The following OR10H1 variants were observed in gnomAD, a reference collection of about 807,000 sequenced individuals.
OR10H1 encodes olfactory receptor family 10 subfamily H member 1, also known as olfactory receptor 10H1.
Under a neutral mutation model 13.1 loss-of-function variants are expected in OR10H1, and 12 were observed. The ratio of observed to expected loss-of-function variants is 0.92; its 90% CI spans 0.59 to 1.48. The LOEUF is 1.48. Among genes scored for constraint, OR10H1 ranks in the 40% most tolerant of loss-of-function variants. The pLI, the probability that OR10H1 is intolerant of heterozygous loss-of-function variation, is 0.00. For missense variants in OR10H1, 363 were observed against 413.1 expected (o/e 0.88, Z 1.05); for synonymous variants, 168 against 175.6 (o/e 0.96, Z 0.34).
intron 1 of OR10H1, among the ~76,000 whole-genome samples, chr19:15,814,537 G>GAGAGAGAGA (rs2088956261): frequency 6.9e-6 from 1 of 145,506 alleles, no homozygotes; most frequent in Admixed American, 6.9e-5. Flanking sequence ...GAGAGAGACA[G>GAGAGAGAGA]GGTATCCCTC....
rs375583661 is a variant in OR10H1 at position 15,807,199 on chromosome 19, G to C, written c.839C>G (p.Thr280Arg). The change falls in exon 4 of 4, where the codon ACG becomes AGG. Residue 280 changes from threonine to arginine, a missense_variant. Coordinates refer to ENST00000641419, the MANE Select transcript of OR10H1 (RefSeq NM_013940.4). Reference sequence around the variant, plus strand: ...GGGGCTGAGGAAGGGTGTGAGGACCGTGTAGGTGATGCCCATCAAGGTGTC... The same window carrying C: ...GGGGCTGAGGAAGGGTGTGAGGACCCTGTAGGTGATGCCCATCAAGGTGTC... ...EGDTLMGITY[T>R]VLTPFLSPII... The C allele has an allele frequency of 2.2e-4, 356 of 1,614,026 alleles. No homozygotes were observed. Among genetic ancestry groups the C allele is most frequent in the Non-Finnish European group, 2.9e-4 (348 of 1,180,044 alleles).
rs10648172 is a variant in OR10H1, at chr19:15,815,340, CAAAAA to C, written c.-778+210_-778+214del. 3.7e-3 allele frequency among the ~76,000 whole-genome samples: 426 copies of C among 115,794 alleles called. 3 individuals are homozygous for C. Among genetic ancestry groups the C allele is most frequent in the Non-Finnish European group, 5.7e-3 (324 of 56,982 alleles). The allele number at this position is 115,794 out of a possible 152,430, so 76.0% of individuals were successfully genotyped here. A position where few individuals can be genotyped will look rare whatever the true frequency, so the allele number is the denominator to read the frequency against. The stretch of plus-strand genomic sequence containing the variant: ...TGGGCTACAGAGCGAGATTCCGTCT[CAAAAA>C]AAAAAAAAAAAAAATAGAAGAAGGT... On this transcript the variant is annotated intron_variant, in intron 1 of 3. Coordinates refer to ENST00000641419, the MANE Select transcript of OR10H1 (RefSeq NM_013940.4).
In OR10H1 at chr19:15,807,139, A is replaced by C. The variant is rs764130944; in HGVS notation, c.899T>G (p.Val300Gly). Residue 300 changes from valine to glycine, a missense_variant, in exon 4 of 4, where the codon GTC becomes GGC. Around this residue, in one of 3 missense-constraint regions of OR10H1, gnomAD observed 42 missense variants for 30.3 expected, o/e 1.39. Transcript: ENST00000641419. ...IFSLRNKELK[V>G]AMKKTFFSKL... ...ACTGAAGAAGGTCTTCTTCATGGCG[A>C]CCTTCAGCTCCTTGTTCCTGAGGCT... 1.2e-5 allele frequency: 20 copies of C among 1,613,984 alleles called. No homozygotes were observed. The South Asian group carries it at 2.2e-4, about 18-fold the overall frequency.
rs1469907725 is a variant in OR10H1, at chr19:15,805,838, C to G, written c.*1243G>C. On this transcript the variant is annotated 3_prime_UTR_variant, in exon 4 of 4. Transcript: ENST00000641419. ...CCATGAGCCGTGTCAACTTCTAACA[C>G]AGCATTCGGTATCTCACAGTGTGAC... is the stretch of plus-strand genomic sequence containing the variant. 1 of 132,894 alleles carries G rather than the reference C, an allele frequency of 7.5e-6. No homozygotes were observed. Among genetic ancestry groups the G allele is most frequent in the East Asian group, 1.9e-4 (1 of 5,164 alleles). 8.2% of individuals were successfully genotyped at this position (132,894 alleles called of 1,614,324 possible).
intron 3 of OR10H1, among the ~76,000 whole-genome samples, 182 bp downstream of exon 3, chr19:15,808,543 C>G (rs1450203065): frequency 6.6e-6 from 1 of 152,126 alleles, no homozygotes; most frequent in Non-Finnish European, 1.5e-5. Flanking sequence ...CAGAGCTAGA[C>G]TCTATCTCTT....
rs554644777 is a variant in OR10H1, at chr19:15,809,187, G to A, written c.-128-346C>T. Among the ~76,000 whole-genome samples, 122 of 152,294 alleles carry A rather than the reference G, an allele frequency of 8.0e-4. 2 individuals are homozygous for A. Among genetic ancestry groups the A allele is most frequent in the African/African-American group, 2.7e-3 (113 of 41,560 alleles). ...CTATGTTCTGAGGCAATGAAATGTA[G>A]CCATCAGACAGAAAGAAGGGCGTGG... On this transcript the variant is annotated intron_variant, in intron 2 of 3. Coordinates refer to ENST00000641419, the MANE Select transcript of OR10H1 (RefSeq NM_013940.4).
intron 1 of OR10H1, among the ~76,000 whole-genome samples, chr19:15,813,719 G>GGTGGGGAGAGAGAA (rs1001863758): frequency 6.7e-6 from 1 of 149,754 alleles, no homozygotes; most frequent in Non-Finnish European, 1.5e-5. Flanking sequence ...CACAGAGAGA[G>GGTGGGGAGAGAGAA]GTGGGGAGAG....
In OR10H1 at chr19:15,806,020, G is replaced by A. The variant is rs1417347270; in HGVS notation, c.*1061C>T. The A allele has an allele frequency of 6.6e-6, 1 of 152,034 alleles. No individual in the cohort carries two copies. Among genetic ancestry groups the A allele is most frequent in the Non-Finnish European group, 1.5e-5 (1 of 68,022 alleles). 9.4% of individuals were successfully genotyped at this position (152,034 alleles called of 1,614,324 possible). ...AGATCTGTGCAATGCTGAAATTTAG[G>A]GTACTTTTCTCTCCTCTGCTATAAT... On this transcript the variant is annotated 3_prime_UTR_variant, in exon 4 of 4. Coordinates refer to ENST00000641419, the MANE Select transcript of OR10H1 (RefSeq NM_013940.4).
chr19:15,813,789 G>C (rs2088948452), intron 1 of OR10H1, among the ~76,000 whole-genome samples: 1 of 149,300 alleles, frequency 6.7e-6, no homozygotes, highest in Non-Finnish European at 1.5e-5. Context: ...GTTGGGGAAA[G>C]AGAGAGAGAG....
rs1481793986 is a variant in OR10H1 at position 15,807,329 on chromosome 19, T to C, written c.709A>G (p.Lys237Glu). 1.2e-6 allele frequency: 2 copies of C among 1,613,848 alleles called. No individual in the cohort carries two copies. ...LKIPSAEGRN[K>E]AFSTCASHLT... ...TGAGAGGCACAGGTGGAGAAGGCCT[T>C]GTTCCGACCTTCAGCAGAAGGGATC... The change falls in exon 4 of 4, where the codon AAG (lysine) becomes GAG (glutamate). Residue 237 changes from lysine (K) to glutamate (E), a missense_variant. Lys to Glu is a moderately conservative substitution (Grantham distance 56). Around this residue, in one of 3 missense-constraint regions of OR10H1, gnomAD observed 318 missense variants for 366.6 expected, o/e 0.87. Transcript: ENST00000641419.
chr19:15,813,531 G>A lies in OR10H1; in HGVS notation c.-777-653C>T, dbSNP rs1191885906. Among the ~76,000 whole-genome samples, 3 of 149,960 alleles carry A rather than the reference G, an allele frequency of 2.0e-5. No homozygotes were observed. In the East Asian group the frequency reaches 6.0e-4, roughly 30 times the overall value. On this transcript the variant is annotated intron_variant, in intron 1 of 3. Transcript: ENST00000641419. ...GAGGGAGAAACAGAGAGAGAGAGGTGGGGAGAGAAAGAAAGAGAGGTGGGG... is the reference window on the plus strand; with the variant it reads ...GAGGGAGAAACAGAGAGAGAGAGGTAGGGAGAGAAAGAAAGAGAGGTGGGG...
At chr19:15,814,421 C>T (rs1436859827) in intron 1 of OR10H1, among the ~76,000 whole-genome samples, 2 of 150,476 alleles carry the variant, frequency 1.3e-5, no homozygotes, top group African/African-American at 4.9e-5. Flanking sequence ...ATTCCCTCAC[C>T]ACCTGCTCCC....
Position 15,807,024 on chromosome 19 carries a change from G to A in OR10H1, c.*57C>T, listed in dbSNP as rs958968267. The A allele has an allele frequency of 2.6e-5, 39 of 1,512,736 alleles. 1 individual carries two copies. Among genetic ancestry groups the A allele is most frequent in the Middle Eastern group, 1.8e-4 (1 of 5,604 alleles). 93.7% of individuals were successfully genotyped at this position (1,512,736 alleles called of 1,614,324 possible). A position where few individuals can be genotyped will look rare whatever the true frequency, so the allele number is the denominator to read the frequency against. Reference sequence around the variant, plus strand: ...TTACAGGCATGAGTCACCACGGAACGTAATTTTTAACAATAGCCTTCGGTA... The same window carrying A: ...TTACAGGCATGAGTCACCACGGAACATAATTTTTAACAATAGCCTTCGGTA... On this transcript the variant is annotated 3_prime_UTR_variant, in exon 4 of 4. Coordinates refer to ENST00000641419, the MANE Select transcript of OR10H1 (RefSeq NM_013940.4).
chr19:15,813,473 GAAGA>G (rs2088945843), intron 1 of OR10H1, among the ~76,000 whole-genome samples: 2 of 34,440 alleles, frequency 5.8e-5, no homozygotes, highest in South Asian at 1.1e-3. Context: ...AGAGGCAGGG[GAAGA>G]GAGAGAGAGA....
In OR10H1 at chr19:15,806,515, C is replaced by A. The variant is rs1419482389; in HGVS notation, c.*566G>T. ...CAAACTTCTGGACTTAGGCAGTAAT[C>A]CCAGTTCAGTCTCCCAGGTAGCTGG... On this transcript the variant is annotated 3_prime_UTR_variant, in exon 4 of 4. Coordinates refer to ENST00000641419, the MANE Select transcript of OR10H1 (RefSeq NM_013940.4). 6.5e-6 allele frequency: 1 copy of A among 154,774 alleles called. No homozygotes were observed. Among genetic ancestry groups the A allele is most frequent in the Non-Finnish European group, 1.4e-5 (1 of 69,880 alleles). The allele number at this position is 154,774 out of a possible 1,614,324, so 9.6% of individuals were successfully genotyped here.
In OR10H1 at chr19:15,806,882, A is replaced by G; in HGVS notation, c.*199T>C. 1.8e-6 allele frequency: 1 copy of G among 554,816 alleles called. No homozygotes were observed. Among genetic ancestry groups the G allele is most frequent in the South Asian group, 2.1e-5 (1 of 48,546 alleles). The allele number at this position is 554,816 out of a possible 1,614,324, so 34.4% of individuals were successfully genotyped here. On this transcript the variant is annotated 3_prime_UTR_variant, in exon 4 of 4. Transcript: ENST00000641419. ...GCTAGGGTTACAGGCATGTGCCAACATGCCTGGCTAATTTTTGTATTTTTA... is the reference window on the plus strand; with the variant it reads ...GCTAGGGTTACAGGCATGTGCCAACGTGCCTGGCTAATTTTTGTATTTTTA...
chr19:15,809,894 C>T (rs1488988590), intron 2 of OR10H1, among the ~76,000 whole-genome samples: 4 of 152,074 alleles, frequency 2.6e-5, no homozygotes, highest in Non-Finnish European at 5.9e-5. Context: ...TAGCTCACTG[C>T]AGCCTTCGGC....
chr19:15,807,363 G>A lies in OR10H1; in HGVS notation c.675C>T (p.Ala225=), dbSNP rs772238705. 17 of 1,613,970 alleles carry A rather than the reference G, an allele frequency of 1.1e-5. No homozygotes were observed. The South Asian group carries it at 1.9e-4, about 18-fold the overall frequency. ...CTTCAGCAGAAGGGATCTTCAAGAT[G>A]GCGGCCACGATGAAGGCATAGGAGA... ...ILLSYAFIVA[A]ILKIPSAEGR... is the part of the protein sequence containing the mutation. Residue 225 remains alanine (A), a synonymous_variant, in exon 4 of 4, where the codon GCC becomes GCT. Transcript: ENST00000641419.
At chr19:15,808,587 C>T (rs1227614766) in intron 3 of OR10H1, 138 bp downstream of exon 3, 1 of 154,544 alleles carries the variant, frequency 6.5e-6, no homozygotes, top group East Asian at 1.9e-4. Flanking sequence ...CACGGTGGCT[C>T]ACGCCTATAA....
Sources: allele counts gnomAD v4.1 joint callset (sites outside exome capture counted in the v4.1 genomes callset), GRCh38; gene constraint gnomAD v4.1.1; regional missense constraint gnomAD v4.1.1; transcripts MANE v1.5; gene names NCBI Gene and HGNC (gene_info 2026-07-23, HGNC 2026-07-21).